The following ANKMY1 variants were observed in gnomAD, a reference collection of about 807,000 sequenced individuals.
The protein encoded by ANKMY1 is ankyrin repeat and MYND domain-containing protein 1.
ANKMY1 carries 98 observed loss-of-function variants against 102.0 expected under a neutral mutation model. That is an observed-to-expected ratio of 0.96 (90% CI 0.82 to 1.14). The LOEUF is 1.14. ANKMY1 is among the 50% of genes most tolerant of loss of function. The pLI, the probability that ANKMY1 is intolerant of heterozygous loss-of-function variation, is 0.00. For synonymous variants in ANKMY1, 582 were observed against 559.9 expected (o/e 1.04, Z -0.56); for missense variants, 1,330 against 1,347.6 (o/e 0.99, Z 0.20).
At chr2:240,507,411 G>T in intron 13 of ANKMY1, 149 bp downstream of exon 13, 1 of 380,970 alleles carries the variant, frequency 2.6e-6, no homozygotes. Flanking sequence ...CTGCCACCCA[G>T]GGCCACCCAG....
upstream of ANKMY1, chr2:240,558,059 C>G: frequency 1.1e-6 from 1 of 890,210 alleles, no homozygotes; most frequent in South Asian, 5.2e-5. Flanking sequence ...CCGCCAATCC[C>G]CCCGCCAGGA....
intron 11 of ANKMY1, among the ~76,000 whole-genome samples, chr2:240,509,715 C>T (rs183452946): frequency 3.3e-5 from 5 of 152,244 alleles, no homozygotes; most frequent in Admixed American, 3.3e-4. Flanking sequence ...AGTAGGAGGA[C>T]ATTGATGCAT....
chr2:240,552,394 T>C (rs1243452227), intron 4 of ANKMY1, among the ~76,000 whole-genome samples: 2 of 152,214 alleles, frequency 1.3e-5, no homozygotes, highest in East Asian at 3.8e-4. Flanking sequence ...AGCCACAGTT[T>C]GTTGAAGGAG....
intron 10 of ANKMY1, among the ~76,000 whole-genome samples, chr2:240,512,495 C>T (rs1235300703): frequency 2.6e-5 from 4 of 152,214 alleles, no homozygotes; most frequent in Non-Finnish European, 5.9e-5. Context: ...TATGAACCTT[C>T]GGAAAGGCGT....
chr2:240,529,178 ATGGGC>A lies in ANKMY1; in HGVS notation c.807_811del (p.Pro270AspfsTer16), dbSNP rs1471653646. 3 of 1,614,132 alleles carry A rather than the reference ATGGGC, an allele frequency of 1.9e-6. No individual in the cohort carries two copies. The highest frequency in any genetic ancestry group is 2.5e-6 in the Non-Finnish European group (3 of 1,180,024). ...CAGCTCTTTGCGGAAAGAGCTTGTC[ATGGGC>A]AGGTGGTCACTGTTGGTCGAGTAGA... On this transcript the variant is annotated frameshift_variant, in exon 5 of 18. Transcript: ENST00000401804. LOFTEE classifies it high-confidence loss of function. This position sits in a 1 kb window ranked among gnomAD's most constrained non-coding sequence, Gnocchi z 4.2.
chr2:240,524,035 A>G lies in ANKMY1; in HGVS notation c.1682T>C (p.Val561Ala), dbSNP rs2082852560. Residue 561 changes from valine (V) to alanine (A), a missense_variant, in exon 8 of 18, where the codon GTG becomes GCG. Physicochemically the swap from Val to Ala is moderately conservative, Grantham distance 64 (BLOSUM62 0). Transcript: ENST00000401804. The stretch of plus-strand genomic sequence containing the variant: ...CTCGATGGAGAAGTCGCACACACAC[A>G]CGTTGGACTCAAATTTCGTCTCAGC... Reference protein sequence around the residue: ...CSAETKFESNVCVCDFSIELS... With the variant: ...CSAETKFESNACVCDFSIELS... 6.2e-7 allele frequency: 1 copy of G among 1,613,894 alleles called. No homozygotes were observed. Among genetic ancestry groups the G allele is most frequent in the Non-Finnish European group, 8.5e-7 (1 of 1,180,040 alleles).
At position 240,511,975 on chromosome 2, in the gene ANKMY1, CT is replaced by C; in HGVS notation, c.2171del (p.Lys724SerfsTer44). 1.3e-6 allele frequency: 2 copies of C among 1,561,994 alleles called. No homozygotes were observed. The highest frequency in any genetic ancestry group is 8.6e-7 in the Non-Finnish European group (1 of 1,162,852). On this transcript the variant is annotated frameshift_variant, in exon 11 of 18. Transcript: ENST00000401804. LOFTEE classifies it high-confidence loss of function. The stretch of plus-strand genomic sequence containing the variant: ...GGGGAGGGCCTGGCTCATTGCTGAG[CT>C]TCAGACTTGAGGGCAGCAGGTCCAG... ...GKLDLLPSSL[K>X]LSNEPGPPQA...
At chr2:240,538,620 C>T (rs1316143483) in intron 4 of ANKMY1, among the ~76,000 whole-genome samples, 1 of 152,198 alleles carries the variant, frequency 6.6e-6, no homozygotes, top group African/African-American at 2.4e-5. Flanking sequence ...CACAGCTCCC[C>T]AGTCCCATCC....
At chr2:240,508,070 G>A (rs1178415555) in intron 12 of ANKMY1, among the ~76,000 whole-genome samples, 1 of 152,264 alleles carries the variant, frequency 6.6e-6, no homozygotes, top group Non-Finnish European at 1.5e-5. Context: ...ACAGGGTTAG[G>A]AGCACATTTG....
chr2:240,537,030 T>C (rs184026874), intron 4 of ANKMY1, among the ~76,000 whole-genome samples: 6 of 152,014 alleles, frequency 3.9e-5, no homozygotes, highest in African/African-American at 9.7e-5. Context: ...CATCCAAATA[T>C]TCACTTTCAA....
chr2:240,512,063 A>T (rs2080303108), intron 10 of ANKMY1, 62 bp from the exon 11 acceptor site: 1 of 1,478,188 alleles, frequency 6.8e-7, no homozygotes, highest in Non-Finnish European at 8.9e-7. Flanking sequence ...CGGGAAGGCA[A>T]ACGGAGCAAG....
the ANKMY1 span, among the ~76,000 whole-genome samples, chr2:240,471,851 C>T: frequency 1.1e-3 from 168 of 152,256 alleles, no homozygotes; most frequent in Non-Finnish European, 2.0e-3. Flanking sequence ...CAGAAATGGC[C>T]TCATCCCCCT....
chr2:240,543,782 C>T (rs2089616662), intron 4 of ANKMY1, among the ~76,000 whole-genome samples: 1 of 151,986 alleles, frequency 6.6e-6, no homozygotes, highest in Non-Finnish European at 1.5e-5. Context: ...AATTTGAAAC[C>T]TTATAATTAT....
rs755274886 is a variant in ANKMY1 at position 240,530,505 on chromosome 2, CG to C, written c.481-997del. ...CCCACCACATGATGTGCCTGCTCCC[CG>C]TTCACCTTCCAACATGACCGGAAGC... On this transcript the variant is annotated intron_variant, in intron 4 of 17. Coordinates refer to ENST00000401804, the MANE Select transcript of ANKMY1 (RefSeq NM_001282771.3). Among the ~76,000 whole-genome samples the C allele has an allele frequency of 2.0e-5, 3 of 152,310 alleles. No individual in the cohort carries two copies. In the East Asian group the frequency reaches 5.8e-4, roughly 29 times the overall value.
chr2:240,483,216 G>A (rs1294833898), intron 15 of ANKMY1, among the ~76,000 whole-genome samples: 2 of 152,000 alleles, frequency 1.3e-5, no homozygotes, highest in Non-Finnish European at 2.9e-5. Context: ...TAGTGCAGTG[G>A]CATGATCTTG....
intron 12 of ANKMY1, among the ~76,000 whole-genome samples, chr2:240,508,977 G>A (rs2079591175): frequency 6.6e-6 from 1 of 152,102 alleles, no homozygotes; most frequent in South Asian, 2.1e-4. Flanking sequence ...TGGTTAAAAG[G>A]ATGGATGTAT....
At chr2:240,488,852 T>A (rs1574898611) in intron 15 of ANKMY1, among the ~76,000 whole-genome samples, 1 of 152,236 alleles carries the variant, frequency 6.6e-6, no homozygotes, top group South Asian at 2.1e-4. Flanking sequence ...ATTTATCAAA[T>A]CTAAGAGTGT....
chr2:240,508,720 G>A (rs761112492), intron 12 of ANKMY1, among the ~76,000 whole-genome samples: 1 of 152,172 alleles, frequency 6.6e-6, no homozygotes, highest in African/African-American at 2.4e-5. Flanking sequence ...TGCCAGGTAC[G>A]TAGCAGATGC....
intron 13 of ANKMY1, among the ~76,000 whole-genome samples, chr2:240,507,075 C>G (rs879763021): frequency 5.3e-5 from 8 of 152,072 alleles, no homozygotes; most frequent in Non-Finnish European, 1.2e-4. Context: ...CTTGTTTTCA[C>G]CGAGACAAAT....
Sources: allele counts gnomAD v4.1 joint callset (sites outside exome capture counted in the v4.1 genomes callset), GRCh38; gene constraint gnomAD v4.1.1; non-coding constraint Gnocchi (gnomAD v3.1); transcripts MANE v1.5; gene names NCBI Gene and HGNC (gene_info 2026-07-23, HGNC 2026-07-21).